PLEKHH2: variants seen among roughly 807,000 people sequenced by gnomAD.
PLEKHH2 encodes pleckstrin homology, MyTH4 and FERM domain containing H2.
Under a neutral mutation model 187.9 loss-of-function variants are expected in PLEKHH2, and 129 were observed. That is an observed-to-expected ratio of 0.69 (90% CI 0.59 to 0.79). The LOEUF is 0.79. Among genes scored for constraint, PLEKHH2 ranks in the 30% least tolerant of loss-of-function variants. PLEKHH2 has a pLI of 0.00. For missense variants in PLEKHH2, 2,076 were observed against 1,751.2 expected (o/e 1.19, Z -3.31); for synonymous variants, 686 against 605.6 (o/e 1.13, Z -1.95).
intron 17 of PLEKHH2, among the ~76,000 whole-genome samples, chr2:43,729,199 A>G (rs1343011958): frequency 6.6e-6 from 1 of 152,216 alleles, no homozygotes; most frequent in Non-Finnish European, 1.5e-5. Context: ...TATCATAGAG[A>G]AAAAAAGACC....
intron 1 of PLEKHH2, among the ~76,000 whole-genome samples, chr2:43,641,099 C>T (rs1011995620): frequency 2.6e-4 from 40 of 151,964 alleles, no homozygotes; most frequent in African/African-American, 7.0e-4. Flanking sequence ...AGGCCTTTGC[C>T]CATTGTTTAA....
chr2:43,658,487 A>C (rs1574489469), intron 2 of PLEKHH2, among the ~76,000 whole-genome samples: 1 of 152,258 alleles, frequency 6.6e-6, no homozygotes, highest in Non-Finnish European at 1.5e-5. Context: ...TTTGGAAGCA[A>C]CTTAGCTTAT....
chr2:43,659,211 T>G (rs1574490869), intron 2 of PLEKHH2, among the ~76,000 whole-genome samples: 1 of 151,998 alleles, frequency 6.6e-6, no homozygotes, highest in African/African-American at 2.4e-5. Context: ...CAGGCTGGTC[T>G]CAAACTCCTG....
chr2:43,690,752 C>G (rs1668751350), intron 3 of PLEKHH2, among the ~76,000 whole-genome samples: 1 of 152,158 alleles, frequency 6.6e-6, no homozygotes, highest in Admixed American at 6.5e-5. Flanking sequence ...GTACTCAATA[C>G]TTTATTTTCC....
chr2:43,765,706 C>A lies in PLEKHH2; in HGVS notation c.*108C>A. 2 of 971,070 alleles carry A rather than the reference C, an allele frequency of 2.1e-6. No individual in the cohort carries two copies. The highest frequency in any genetic ancestry group is 2.2e-5 in the South Asian group (1 of 46,346). 60.2% of individuals were successfully genotyped at this position (971,070 alleles called of 1,614,324 possible). A position where few individuals can be genotyped will look rare whatever the true frequency, so the allele number is the denominator to read the frequency against. On this transcript the variant is annotated 3_prime_UTR_variant, in exon 30 of 30. Coordinates refer to ENST00000282406, the MANE Select transcript of PLEKHH2 (RefSeq NM_172069.4). ...GCACGGCAGCCACACACCGGTATTC[C>A]AAACCTTAACAATGAAGGGGGTTAG... is the stretch of plus-strand genomic sequence containing the variant.
intron 23 of PLEKHH2, among the ~76,000 whole-genome samples, 199 bp from the exon 24 acceptor site, chr2:43,745,667 G>A (rs546751478): frequency 1.3e-5 from 2 of 152,272 alleles, no homozygotes. Context: ...GTTAATGTGT[G>A]TCCAAAAGGA....
At chr2:43,691,537 G>T (rs1024441889) in intron 3 of PLEKHH2, among the ~76,000 whole-genome samples, 1 of 152,236 alleles carries the variant, frequency 6.6e-6, no homozygotes, top group East Asian at 1.9e-4. Context: ...CGGGAAGGCA[G>T]GTTCTCAATC....
Position 43,706,356 on chromosome 2 carries a change from ACTT to A in PLEKHH2, c.1762_1764del (p.Leu588del). The stretch of plus-strand genomic sequence containing the variant: ...CAACCCTTTCCTATACTACATCAGG[ACTT>A]TATACATCTCTGATATACAAGAACA... On this transcript the variant is annotated inframe_deletion, in exon 10 of 30. Transcript: ENST00000282406. 1 of 1,609,988 alleles carries A rather than the reference ACTT, an allele frequency of 6.2e-7. No individual in the cohort carries two copies. The highest frequency in any genetic ancestry group is 1.1e-5 in the South Asian group (1 of 90,916).
rs1040569444 is a variant in PLEKHH2, at chr2:43,757,356, T to G, written c.3941+92T>G. On this transcript the variant is annotated intron_variant, in intron 26 of 29. Transcript: ENST00000282406. Reference sequence around the variant, plus strand: ...TCAAATTTTAAAGGTGAAAAACATTTGGACAGCTTTCTCAAGATTTTTTTA... The same window carrying G: ...TCAAATTTTAAAGGTGAAAAACATTGGGACAGCTTTCTCAAGATTTTTTTA... The G allele has an allele frequency of 5.7e-6, 6 of 1,044,992 alleles. No individual in the cohort carries two copies. The African/African-American group carries it at 8.2e-5, about 14-fold the overall frequency. The allele number at this position is 1,044,992 out of a possible 1,614,324, so 64.7% of individuals were successfully genotyped here.
At chr2:43,721,307 A>G (rs1270692852) in intron 16 of PLEKHH2, among the ~76,000 whole-genome samples, 2 of 152,170 alleles carry the variant, frequency 1.3e-5, no homozygotes, top group Non-Finnish European at 2.9e-5. Context: ...CATTATGGGT[A>G]TTCTGTGTCA....
intron 2 of PLEKHH2, among the ~76,000 whole-genome samples, chr2:43,650,413 G>A (rs909810130): frequency 4.0e-5 from 6 of 151,476 alleles, no homozygotes; most frequent in Non-Finnish European, 5.9e-5. Context: ...GATTACAGAC[G>A]TGAGCCACTG....
At position 43,715,273 on chromosome 2, in the gene PLEKHH2, T is replaced by TA. The variant is rs1329346335; in HGVS notation, c.2460+2899dup. The stretch of plus-strand genomic sequence containing the variant: ...CCTGTGCGACAAATGAAACTCCGTC[T>TA]AAAAAAAAAGAAAAAAAGAAAAAAA... On this transcript the variant is annotated intron_variant, in intron 15 of 29. Coordinates refer to ENST00000282406, the MANE Select transcript of PLEKHH2 (RefSeq NM_172069.4). 6.9e-5 allele frequency among the ~76,000 whole-genome samples: 10 copies of TA among 145,378 alleles called. No individual in the cohort carries two copies. In the South Asian group the frequency reaches 8.7e-4, roughly 13 times the overall value.
At chr2:43,687,463 C>T (rs576975615) in intron 3 of PLEKHH2, among the ~76,000 whole-genome samples, 1 of 152,296 alleles carries the variant, frequency 6.6e-6, no homozygotes, top group East Asian at 1.9e-4. Context: ...CATAGAAGTG[C>T]ATGTGTCTTT....
In PLEKHH2 at chr2:43,702,314, T is replaced by A. The variant is rs17031313; in HGVS notation, c.1651-1667T>A. Among the ~76,000 whole-genome samples the A allele has an allele frequency of 6.0e-3, 912 of 152,312 alleles. 7 individuals are homozygous for A. The highest frequency in any genetic ancestry group is 0.021 in the African/African-American group (870 of 41,578). ...TATTTGCTTTCAAGAGGACATTTTA[T>A]TTCAATATCCACATGAAACCTTCTG... On this transcript the variant is annotated intron_variant, in intron 8 of 29. Transcript: ENST00000282406.
intron 19 of PLEKHH2, among the ~76,000 whole-genome samples, chr2:43,733,577 T>C (rs1161494822): frequency 6.6e-6 from 1 of 152,146 alleles, no homozygotes; most frequent in Non-Finnish European, 1.5e-5. Context: ...ATCTATTTGT[T>C]TATTAGATAA....
At chr2:43,651,269 A>T in intron 2 of PLEKHH2, among the ~76,000 whole-genome samples, 1 of 151,694 alleles carries the variant, frequency 6.6e-6, no homozygotes, top group East Asian at 1.9e-4. Context: ...GGGTTTCACT[A>T]TCTTGGCCAA....
At chr2:43,710,158 T>A (rs909979473) in intron 12 of PLEKHH2, 32 bp downstream of exon 12, 1 of 1,609,758 alleles carries the variant, frequency 6.2e-7, no homozygotes, top group African/African-American at 1.3e-5. Flanking sequence ...TAAAAAGCAG[T>A]CAGTCAGATT....
chr2:43,638,891 T>C (rs1330859845), intron 1 of PLEKHH2, among the ~76,000 whole-genome samples: 1 of 152,186 alleles, frequency 6.6e-6, no homozygotes, highest in Non-Finnish European at 1.5e-5. Context: ...CCAACCAATT[T>C]GCAGTTCTGA....
intron 27 of PLEKHH2, among the ~76,000 whole-genome samples, chr2:43,759,702 T>A (rs1414504739): frequency 6.6e-6 from 1 of 152,256 alleles, no homozygotes; most frequent in Non-Finnish European, 1.5e-5. Context: ...TTATACTCAC[T>A]ATTAAATTGC....
Sources: gnomAD v4.1 joint callset for allele counts (sites outside exome capture counted in the v4.1 genomes callset) on GRCh38, gnomAD v4.1.1 for gene constraint, MANE v1.5 for transcripts, NCBI Gene and HGNC (gene_info 2026-07-23, HGNC 2026-07-21) for gene names.